ADAMTS15: variants seen among roughly 807,000 people sequenced by gnomAD.
The protein encoded by ADAMTS15 is A disintegrin and metalloproteinase with thrombospondin motifs 15.
In ADAMTS15, 35 loss-of-function variants were observed where a neutral mutation model predicts 79.1. The ratio of observed to expected loss-of-function variants is 0.44; its 90% CI spans 0.34 to 0.59. ADAMTS15 has a LOEUF of 0.59. Ranked by LOEUF, ADAMTS15 falls within the 20% of genes least tolerant of loss-of-function variation. ADAMTS15 has a pLI of 0.02. For missense variants in ADAMTS15, 1,324 were observed against 1,318.7 expected (o/e 1.00, Z -0.06); for synonymous variants, 616 against 567.3 (o/e 1.09, Z -1.22).
chr11:130,456,300 G>A (rs1281809386), intron 1 of ADAMTS15, among the ~76,000 whole-genome samples: 1 of 151,964 alleles, frequency 6.6e-6, no homozygotes, highest in Non-Finnish European at 1.5e-5. Context: ...AGAAGATTTA[G>A]CCTTCTTGCA....
intron 1 of ADAMTS15, among the ~76,000 whole-genome samples, chr11:130,453,824 T>C (rs548688422): frequency 6.6e-6 from 1 of 152,346 alleles, no homozygotes; most frequent in South Asian, 2.1e-4. Flanking sequence ...TGGTCATTTA[T>C]ATTTTTCAAG....
At chr11:130,452,396 C>G (rs976134344) in intron 1 of ADAMTS15, among the ~76,000 whole-genome samples, 3 of 152,122 alleles carry the variant, frequency 2.0e-5, no homozygotes, top group Non-Finnish European at 4.4e-5. Flanking sequence ...CCAGGATCTG[C>G]GAAGAACTAG....
rs558212671 is a variant in ADAMTS15 at position 130,461,112 on chromosome 11, C to T, written c.958-377C>T. 2.0e-5 allele frequency among the ~76,000 whole-genome samples: 3 copies of T among 152,354 alleles called. No individual in the cohort carries two copies. The East Asian group carries it at 5.8e-4, about 29-fold the overall frequency. ...ATGGGACTGGCTTCCTCCCTGTTGCCTCAGCGAGCCTCCCTTGGCTATGGG... is the reference window on the plus strand; with the variant it reads ...ATGGGACTGGCTTCCTCCCTGTTGCTTCAGCGAGCCTCCCTTGGCTATGGG... On this transcript the variant is annotated intron_variant, in intron 1 of 7. Transcript: ENST00000299164.
intron 1 of ADAMTS15, among the ~76,000 whole-genome samples, chr11:130,460,728 T>G (rs1316111274): frequency 6.6e-6 from 1 of 152,236 alleles, no homozygotes; most frequent in Non-Finnish European, 1.5e-5. Flanking sequence ...ATCCTGCCTT[T>G]CTGCGTCCCC....
chr11:130,452,397 G>A (rs1369127617), intron 1 of ADAMTS15, among the ~76,000 whole-genome samples: 2 of 152,184 alleles, frequency 1.3e-5, no homozygotes, highest in Non-Finnish European at 2.9e-5. Context: ...CAGGATCTGC[G>A]AAGAACTAGA....
chr11:130,470,876 T>C (rs779833143), intron 5 of ADAMTS15, 44 bp from the exon 6 acceptor site: 2 of 1,587,880 alleles, frequency 1.3e-6, no homozygotes, highest in African/African-American at 2.7e-5. Context: ...GCACCGGCCT[T>C]GTCCCTTCCC....
chr11:130,473,110 C>T lies in ADAMTS15; in HGVS notation c.2142C>T (p.Arg714=), dbSNP rs375820237. Residue 714 remains arginine (R), a synonymous_variant, in exon 8 of 8, where the codon CGC becomes CGT. Coordinates refer to ENST00000299164, the MANE Select transcript of ADAMTS15 (RefSeq NM_139055.4). The part of the protein sequence containing the change: ...AGASSIDIRQ[R]GYKGLIGDDN... ...CCTCAAGCATCGACATCCGCCAGCG[C>T]GGTTACAAAGGGCTGATCGGGGATG... 22 of 1,614,042 alleles carry T rather than the reference C, an allele frequency of 1.4e-5. No individual in the cohort carries two copies. The highest frequency in any genetic ancestry group is 9.3e-5 in the African/African-American group (7 of 75,034).
chr11:130,456,277 AT>A (rs377551581), intron 1 of ADAMTS15, among the ~76,000 whole-genome samples: 56 of 149,508 alleles, frequency 3.7e-4, no homozygotes, highest in African/African-American at 6.6e-4. Context: ...TGAAGGGGTG[AT>A]TTTTTTTTTA....
intron 7 of ADAMTS15, among the ~76,000 whole-genome samples, 199 bp downstream of exon 7, chr11:130,471,582 C>A (rs1938461586): frequency 6.6e-6 from 1 of 152,086 alleles, no homozygotes; most frequent in South Asian, 2.1e-4. Context: ...TTCATTCATT[C>A]TTTCAGCAAG....
In ADAMTS15 at chr11:130,449,559, G is replaced by A. The variant is rs1937916636; in HGVS notation, c.586G>A (p.Ala196Thr). 1 of 1,584,234 alleles carries A rather than the reference G, an allele frequency of 6.3e-7. No homozygotes were observed. The highest frequency in any genetic ancestry group is 8.6e-7 in the Non-Finnish European group (1 of 1,163,936). ...RALDPYKPRR[A>T]GFGESRSRRR... is the part of the protein sequence containing the mutation. ...CCTGGACCCTTACAAGCCGCGGCGG[G>A]CGGGCTTCGGGGAGAGTCGTAGCCG... is the stretch of plus-strand genomic sequence containing the variant. The change falls in exon 1 of 8, where the codon GCG becomes ACG. Residue 196 changes from alanine to threonine, a missense_variant. Ala to Thr is a moderately conservative substitution (Grantham distance 58). Coordinates refer to ENST00000299164, the MANE Select transcript of ADAMTS15 (RefSeq NM_139055.4). The surrounding 1 kb of genome is among the most constrained non-coding windows in gnomAD (Gnocchi z 7.8).
At chr11:130,469,132 TACA>T in intron 4 of ADAMTS15, 127 bp from the exon 5 acceptor site, 1 of 923,660 alleles carries the variant, frequency 1.1e-6, no homozygotes, top group Non-Finnish European at 1.5e-6. Context: ...TCCTTCATGA[TACA>T]ACATTAATTT....
chr11:130,471,636 A>G (rs1162199357), intron 7 of ADAMTS15, among the ~76,000 whole-genome samples: 2 of 152,148 alleles, frequency 1.3e-5, no homozygotes, highest in Non-Finnish European at 2.9e-5. Flanking sequence ...AGGAGATGGT[A>G]TTCAGGAAGG....
At chr11:130,452,792 C>T (rs988538934) in intron 1 of ADAMTS15, among the ~76,000 whole-genome samples, 2 of 152,138 alleles carry the variant, frequency 1.3e-5, no homozygotes, top group African/African-American at 2.4e-5. Context: ...ACCATCCTGG[C>T]CAACATGGTG....
chr11:130,462,902 A>G lies in ADAMTS15; in HGVS notation c.1542+122A>G. 2 of 1,338,228 alleles carry G rather than the reference A, an allele frequency of 1.5e-6. No individual in the cohort carries two copies. The highest frequency in any genetic ancestry group is 1.0e-6 in the Non-Finnish European group (1 of 979,604). The allele number at this position is 1,338,228 out of a possible 1,614,324, so 82.9% of individuals were successfully genotyped here. On this transcript the variant is annotated intron_variant, in intron 4 of 7. Coordinates refer to ENST00000299164, the MANE Select transcript of ADAMTS15 (RefSeq NM_139055.4). The surrounding 1 kb of genome is among the most constrained non-coding windows in gnomAD (Gnocchi z 4.3). ...ATCACAGACTGGCCACGGGACCAGC[A>G]CTGTTGCATGGCTGAGCTGTGCCTT...
rs1396101808 is a variant in ADAMTS15 at position 130,472,031 on chromosome 11, A to C, written c.2078+648A>C. On this transcript the variant is annotated intron_variant, in intron 7 of 7. Transcript: ENST00000299164. This position sits in a 1 kb window ranked among gnomAD's most constrained non-coding sequence, Gnocchi z 4.7. Reference sequence around the variant, plus strand: ...CGTCTTGGGCAATCCCTGGGCATCTAGTCCCAACTTCAGAATCTGGGCCTC... The same window carrying C: ...CGTCTTGGGCAATCCCTGGGCATCTCGTCCCAACTTCAGAATCTGGGCCTC... Among the ~76,000 whole-genome samples, 2 of 152,240 alleles carry C rather than the reference A, an allele frequency of 1.3e-5. No homozygotes were observed. The highest frequency in any genetic ancestry group is 4.8e-5 in the African/African-American group (2 of 41,462).
At position 130,462,750 on chromosome 11, in the gene ADAMTS15, C is replaced by T. The variant is rs752728043; in HGVS notation, c.1512C>T (p.Cys504=). The change falls in exon 4 of 8, where the codon TGC becomes TGT. Residue 504 remains cysteine (C), a synonymous_variant. Coordinates refer to ENST00000299164, the MANE Select transcript of ADAMTS15 (RefSeq NM_139055.4). The surrounding 1 kb of genome is among the most constrained non-coding windows in gnomAD (Gnocchi z 4.3). ...GEGKLCLKGA[C]VERHNLNKHR... is the part of the protein sequence containing the mutation. ...GCAAGCTCTGCCTCAAAGGGGCCTG[C>T]GTGGAGAGACACAACCTCAACAAGC... 8.1e-6 allele frequency: 13 copies of T among 1,598,516 alleles called. No individual in the cohort carries two copies. The Middle Eastern group carries it at 5.1e-4, about 62-fold the overall frequency.
intron 1 of ADAMTS15, among the ~76,000 whole-genome samples, chr11:130,459,476 T>G (rs1278097548): frequency 6.6e-6 from 1 of 152,072 alleles, no homozygotes; most frequent in Non-Finnish European, 1.5e-5. Context: ...CCCTCCCAAG[T>G]TTTGACAGTG....
At chr11:130,455,031 C>T (rs61913915) in intron 1 of ADAMTS15, among the ~76,000 whole-genome samples, 11,973 of 152,044 alleles carry the variant, frequency 0.079, 790 homozygotes, top group African/African-American at 0.18. Context: ...TGGAGTCAGG[C>T]AGAGCTGAGT....
Position 130,473,181 on chromosome 11 carries a change from A to G in ADAMTS15, c.2213A>G (p.Asn738Ser). ...LKNSQGKYLL[N>S]GHFVVSAVER... The stretch of plus-strand genomic sequence containing the variant: ...AACAGCCAAGGCAAGTACCTGCTCA[A>G]CGGGCATTTCGTGGTGTCGGCGGTG... The change falls in exon 8 of 8, where the codon AAC (asparagine) becomes AGC (serine). Residue 738 changes from asparagine (N) to serine (S), a missense_variant. Coordinates refer to ENST00000299164, the MANE Select transcript of ADAMTS15 (RefSeq NM_139055.4). 1.2e-6 allele frequency: 2 copies of G among 1,614,072 alleles called. No homozygotes were observed. The highest frequency in any genetic ancestry group is 8.5e-7 in the Non-Finnish European group (1 of 1,180,028).
Sources: allele counts gnomAD v4.1 joint callset (sites outside exome capture counted in the v4.1 genomes callset), GRCh38; gene constraint gnomAD v4.1.1; non-coding constraint Gnocchi (gnomAD v3.1); transcripts MANE v1.5; gene names NCBI Gene and HGNC (gene_info 2026-07-23, HGNC 2026-07-21).